Variants in CD44 observed in about 807,000 individuals in gnomAD.
CD44 encodes the protein CD44 antigen.
In CD44, 49 loss-of-function variants were observed where a neutral mutation model predicts 88.8. The ratio of observed to expected loss-of-function variants is 0.55; its 90% CI spans 0.44 to 0.70. CD44 has a LOEUF of 0.70. CD44 is among the 30% of genes least tolerant of loss of function. CD44 has a pLI of 0.00. For missense variants in CD44, 883 were observed against 913.8 expected (o/e 0.97, Z 0.43); for synonymous variants, 325 against 312.3 (o/e 1.04, Z -0.43).
At chr11:35,210,609 G>A (rs1948300941) in intron 13 of CD44, 2 of 152,406 alleles carry the variant, frequency 1.3e-5, no homozygotes, top group East Asian at 1.9e-4. Context: ...AAATTTGATT[G>A]CGCTGTGGTC....
intron 5 of CD44, among the ~76,000 whole-genome samples, chr11:35,190,850 G>A (rs1476658876): frequency 1.3e-5 from 2 of 152,140 alleles, no homozygotes. Context: ...GGTGTGTGGG[G>A]GTAATTCATT....
intron 1 of CD44, among the ~76,000 whole-genome samples, chr11:35,174,521 C>CG (rs1359902745): frequency 1.3e-5 from 2 of 152,156 alleles, no homozygotes; most frequent in Non-Finnish European, 2.9e-5. Context: ...AAGTGTAAAC[C>CG]GGGGGTCATA....
chr11:35,190,105 C>T, intron 5 of CD44, 40 bp downstream of exon 5: 1 of 1,542,668 alleles, frequency 6.5e-7, no homozygotes, highest in Non-Finnish European at 9.0e-7. Flanking sequence ...ATAGCAATTC[C>T]CTGGCAAAAT....
chr11:35,196,843 G>A lies in CD44; in HGVS notation c.765G>A (p.Lys255=), dbSNP rs367630994. The A allele has an allele frequency of 6.2e-7, 1 of 1,613,538 alleles. No homozygotes were observed. Among genetic ancestry groups the A allele is most frequent in the African/African-American group, 1.3e-5 (1 of 74,908 alleles). ...FSWLFLPSES[K]NHLHTTTQMA... ...GGTTGTTTCTACCATCAGAGTCAAA[G>A]AATCATCTTCACACAACAACACAAA... Residue 255 remains lysine (K), a synonymous_variant, in exon 6 of 18, where the codon AAG becomes AAA. Coordinates refer to ENST00000428726, the MANE Select transcript of CD44 (RefSeq NM_000610.4).
At chr11:35,219,255 A>C in intron 15 of CD44, 61 bp from the exon 16 acceptor site, 1 of 1,284,096 alleles carries the variant, frequency 7.8e-7, no homozygotes, top group South Asian at 1.2e-5. Flanking sequence ...ATGCAGCTCC[A>C]CAAGGAACTC....
chr11:35,144,569 C>T, intron 1 of CD44, among the ~76,000 whole-genome samples: 1 of 152,194 alleles, frequency 6.6e-6, no homozygotes, highest in East Asian at 1.9e-4. Flanking sequence ...GTACCCCCCA[C>T]AGCTGCCCAA....
chr11:35,187,284 GA>G (rs552708155), intron 4 of CD44, among the ~76,000 whole-genome samples: 27 of 150,670 alleles, frequency 1.8e-4, no homozygotes, highest in Non-Finnish European at 2.5e-4. Context: ...CAAAAAAAAA[GA>G]AAAAAAAATA....
At position 35,232,139 on chromosome 11, in the gene CD44, CCATT is replaced by C. The variant is rs1293378013; in HGVS notation, c.*2809_*2812del. ...TACTTAAGAATAAGAATAACATGGT[CCATT>C]CACCTTTATGTTATAGATATGTCTT... On this transcript the variant is annotated 3_prime_UTR_variant, in exon 18 of 18. Coordinates refer to ENST00000428726, the MANE Select transcript of CD44 (RefSeq NM_000610.4). 1 of 152,478 alleles carries C rather than the reference CCATT, an allele frequency of 6.6e-6. No individual in the cohort carries two copies. The highest frequency in any genetic ancestry group is 1.5e-5 in the Non-Finnish European group (1 of 68,006). The allele number at this position is 152,478 out of a possible 1,614,324, so 9.4% of individuals were successfully genotyped here.
Position 35,180,311 on chromosome 11 carries a change from A to G in CD44, c.271A>G (p.Ile91Val). The G allele has an allele frequency of 6.2e-7, 1 of 1,614,088 alleles. No individual in the cohort carries two copies. The highest frequency in any genetic ancestry group is 8.5e-7 in the Non-Finnish European group (1 of 1,179,980). Residue 91 changes from isoleucine (I) to valine (V), a missense_variant, in exon 3 of 18, where the codon ATC (isoleucine) becomes GTC (valine). Coordinates refer to ENST00000428726, the MANE Select transcript of CD44 (RefSeq NM_000610.4). ...FIEGHVVIPR[I>V]HPNSICAANN... ...AGAAGGGCACGTGGTGATTCCCCGG[A>G]TCCACCCCAACTCCATCTGTGCAGC...
intron 1 of CD44, among the ~76,000 whole-genome samples, chr11:35,170,567 G>A (rs353646): frequency 0.15 from 22,815 of 152,180 alleles, 1,854 homozygotes; most frequent in Admixed American, 0.21. Flanking sequence ...TTTCAGTTGA[G>A]CTCATTTATC....
intron 1 of CD44, among the ~76,000 whole-genome samples, chr11:35,171,552 T>C (rs1241024841): frequency 3.9e-5 from 6 of 152,192 alleles, no homozygotes; most frequent in Non-Finnish European, 7.3e-5. Context: ...GCTGATCACA[T>C]GCACATACAA....
chr11:35,214,879 G>C lies in CD44; in HGVS notation c.1838G>C (p.Gly613Ala). ...GACCAAGACACATTCCACCCCAGTG[G>C]GGGGTCCCATACCACTCATGGATCT... ...SGDQDTFHPS[G>A]GSHTTHGSES... is the part of the protein sequence containing the mutation. Residue 613 changes from glycine (G) to alanine (A), a missense_variant, in exon 15 of 18, where the codon GGG (glycine) becomes GCG (alanine). By Grantham distance (60) the Gly-to-Ala change is moderately conservative. Transcript: ENST00000428726. 1 of 1,562,496 alleles carries C rather than the reference G, an allele frequency of 6.4e-7. No individual in the cohort carries two copies. The highest frequency in any genetic ancestry group is 8.7e-7 in the Non-Finnish European group (1 of 1,154,346).
chr11:35,169,413 A>AACAC (rs5791036), intron 1 of CD44, among the ~76,000 whole-genome samples: 89 of 149,082 alleles, frequency 6.0e-4, no homozygotes, highest in Middle Eastern at 3.4e-3. Context: ...GCCCTACCTA[A>AACAC]ACACACACAC....
At chr11:35,226,179 C>T (rs1010658101) in intron 17 of CD44, among the ~76,000 whole-genome samples, 3 of 152,144 alleles carry the variant, frequency 2.0e-5, no homozygotes, top group African/African-American at 7.2e-5. Flanking sequence ...GCAGGCCAAC[C>T]AAAAACCAAG....
rs535452585 is a variant in CD44 at position 35,218,181 on chromosome 11, C to G, written c.1874-1135C>G. ...ATTGTCTGTCTTGCGATACTTCCTCCCAGTTTAAGGCATTTTGTTCATCTC... is the reference window on the plus strand; with the variant it reads ...ATTGTCTGTCTTGCGATACTTCCTCGCAGTTTAAGGCATTTTGTTCATCTC... On this transcript the variant is annotated intron_variant, in intron 15 of 17. Transcript: ENST00000428726. 5.3e-5 allele frequency among the ~76,000 whole-genome samples: 8 copies of G among 152,196 alleles called. No homozygotes were observed. The East Asian group carries it at 1.4e-3, about 26-fold the overall frequency.
Position 35,217,418 on chromosome 11 carries a change from A to T in CD44, c.1874-1898A>T, listed in dbSNP as rs556932397. Among the ~76,000 whole-genome samples the T allele has an allele frequency of 3.0e-3, 448 of 151,522 alleles. 2 individuals are homozygous for T. The highest frequency in any genetic ancestry group is 5.4e-3 in the Non-Finnish European group (367 of 67,918). ...TCCTGGGGAGTTTTCACGGCCAAAG[A>T]TCTTCAGTTTAGGTGGCCAGTGTCC... On this transcript the variant is annotated intron_variant, in intron 15 of 17. Transcript: ENST00000428726.
At chr11:35,140,532 T>A (rs1328809253) in intron 1 of CD44, among the ~76,000 whole-genome samples, 1 of 152,156 alleles carries the variant, frequency 6.6e-6, no homozygotes, top group African/African-American at 2.4e-5. Context: ...GTATAAAGTA[T>A]CTTGAATTAC....
chr11:35,163,941 A>G (rs353633), intron 1 of CD44, among the ~76,000 whole-genome samples: 120,120 of 151,982 alleles, frequency 0.79, 48,326 homozygotes, highest in African/African-American at 0.94. Context: ...GTTTTCTTAT[A>G]TGTATCAAGT....
rs372284127 is a variant in CD44 at position 35,180,284 on chromosome 11, A to G, written c.244A>G (p.Ile82Val). The stretch of plus-strand genomic sequence containing the variant: ...GTTTTTCTCTTACAGGTATGGGTTC[A>G]TAGAAGGGCACGTGGTGATTCCCCG... ...IGFETCRYGF[I>V]EGHVVIPRIH... The change falls in exon 3 of 18, where the codon ATA (isoleucine) becomes GTA (valine). Residue 82 changes from isoleucine (I) to valine (V), a missense_variant. Physicochemically the swap from Ile to Val is conservative, Grantham distance 29. Transcript: ENST00000428726. 18 of 1,613,996 alleles carry G rather than the reference A, an allele frequency of 1.1e-5. No homozygotes were observed. The African/African-American group carries it at 2.4e-4, about 22-fold the overall frequency.
Sources: gnomAD v4.1 joint callset for allele counts (sites outside exome capture counted in the v4.1 genomes callset) on GRCh38, gnomAD v4.1.1 for gene constraint, MANE v1.5 for transcripts, NCBI Gene and HGNC (gene_info 2026-07-23, HGNC 2026-07-21) for gene names.